Variants in E4F1 observed in about 807,000 individuals in gnomAD.
The protein encoded by E4F1 is transcription factor E4F1.
A neutral mutation model predicts 72.9 loss-of-function variants in E4F1; 30 were observed. The observed-to-expected ratio is 0.41, with a 90% CI of 0.31 to 0.56. The LOEUF (loss-of-function observed/expected upper bound fraction) is 0.56, where lower values mean the gene tolerates loss of function less well. Ranked by LOEUF, E4F1 falls within the 20% of genes least tolerant of loss-of-function variation. The pLI, the probability that E4F1 is intolerant of heterozygous loss-of-function variation, is 0.25. For synonymous variants in E4F1, 542 were observed against 478.2 expected, an observed-to-expected ratio of 1.13 and a Z score of -1.74; for missense variants, 1,091 against 1,117.5, an observed-to-expected ratio of 0.98 and a Z score of 0.34.
chr16:2,232,871 C>T lies in E4F1; in HGVS notation c.846C>T (p.Ser282=). ...PCTEKIRFSV[S]KDVVVSKEDA... is the part of the protein sequence containing the mutation. ...CAGAGAAAATCCGCTTCAGTGTGAG[C>T]AAGGACGTGGTTGTCAGCAAAGAGG... The change falls in exon 6 of 14, where the codon AGC becomes AGT. Residue 282 remains serine, a synonymous_variant. Coordinates refer to ENST00000301727, the MANE Select transcript of E4F1 (RefSeq NM_004424.5). 3.7e-6 allele frequency: 6 copies of T among 1,613,436 alleles called. No individual in the cohort carries two copies. Among genetic ancestry groups the T allele is most frequent in the Admixed American group, 1.7e-5 (1 of 60,020 alleles).
At chr16:2,228,306 C>T in intron 1 of E4F1, 66 bp from the exon 2 acceptor site, 1 of 1,598,386 alleles carries the variant, frequency 6.3e-7, no homozygotes. Flanking sequence ...GGAGGAAAAG[C>T]CAGACGGAGC....
At chr16:2,227,131 C>T (rs1372388941) in intron 1 of E4F1, among the ~76,000 whole-genome samples, 1 of 152,032 alleles carries the variant, frequency 6.6e-6, no homozygotes, top group Non-Finnish European at 1.5e-5. Flanking sequence ...GCCTCCACCC[C>T]TGGGCTCAAT....
In E4F1 at chr16:2,234,649, C is replaced by T. The variant is rs375170561; in HGVS notation, c.1660C>T (p.Arg554Cys). 17 of 1,598,420 alleles carry T rather than the reference C, an allele frequency of 1.1e-5. 1 individual carries two copies. Among genetic ancestry groups the T allele is most frequent in the Middle Eastern group, 1.8e-4 (1 of 5,680 alleles). The change falls in exon 11 of 14, where the codon CGT (arginine) becomes TGT (cysteine). Residue 554 changes from arginine to cysteine, a missense_variant. By Grantham distance (180) the Arg-to-Cys change is radical. Transcript: ENST00000301727. ...GCCGCACGTGTGCCAGTTCTGCAGC[C>T]GTGGCTTCCGAGAGAAGGGCTCACT... The part of the protein sequence containing the change: ...EKPHVCQFCS[R>C]GFREKGSLVR...
intron 3 of E4F1, 86 bp downstream of exon 3, chr16:2,229,761 C>T (rs1323343896): frequency 6.9e-7 from 1 of 1,440,794 alleles, no homozygotes; most frequent in Admixed American, 1.8e-5. Flanking sequence ...GTATGCTCGT[C>T]TCTCCCGAGA....
chr16:2,231,861 C>G, intron 3 of E4F1: 1 of 359,888 alleles, frequency 2.8e-6, no homozygotes. Flanking sequence ...CACCAGGATT[C>G]GCACGTCCTC....
Position 2,233,865 on chromosome 16 carries a change from TTCCTGTGGTTCCCCAGCAGG to T in E4F1, c.1267-15_1271del. ...CAGCCTGCCCCGGGTGCTGGAGACC[TTCCTGTGGTTCCCCAGCAGG>T]TGGCCAGCGAGGCCTCAGCGGTGCC... On this transcript the variant is annotated splice_acceptor_variant and splice_polypyrimidine_tract_variant and coding_sequence_variant and intron_variant, in exon 9 of 14. Transcript: ENST00000301727. LOFTEE classifies it high-confidence loss of function. The T allele has an allele frequency of 1.9e-6, 3 of 1,568,504 alleles. No homozygotes were observed. Among genetic ancestry groups the T allele is most frequent in the Non-Finnish European group, 2.6e-6 (3 of 1,156,362 alleles).
At chr16:2,228,662 T>C in intron 2 of E4F1, 139 bp downstream of exon 2, 1 of 1,145,158 alleles carries the variant, frequency 8.7e-7, no homozygotes, top group Non-Finnish European at 1.2e-6. Context: ...GGCTGCGGTG[T>C]GGGAGGGTCC....
In E4F1 at chr16:2,234,909, G is replaced by T. The variant is rs968471159; in HGVS notation, c.1843G>T (p.Ala615Ser). ...EELLVSEDSP[A>S]AATTVLTEDP... is the part of the protein sequence containing the mutation. ...GTTGCTGGTGTCTGAGGACAGCCCC[G>T]CGGCAGCCACCACCGTCCTCACGGA... Residue 615 changes from alanine (A) to serine (S), a missense_variant, in exon 12 of 14, where the codon GCG becomes TCG. This residue lies in a region of E4F1 where 622 missense variants were observed against 628.0 expected (regional missense o/e 0.99). Transcript: ENST00000301727. 1.3e-6 allele frequency: 2 copies of T among 1,553,144 alleles called. No homozygotes were observed. Among genetic ancestry groups the T allele is most frequent in the South Asian group, 2.4e-5 (2 of 84,532 alleles).
intron 1 of E4F1, among the ~76,000 whole-genome samples, chr16:2,224,660 G>A (rs562722356): frequency 2.0e-5 from 3 of 152,072 alleles, no homozygotes; most frequent in Non-Finnish European, 4.4e-5. Context: ...CGGGCGTGGT[G>A]GCGGGCGCCT....
chr16:2,234,424 C>T, intron 10 of E4F1, 36 bp downstream of exon 10: 2 of 1,608,404 alleles, frequency 1.2e-6, no homozygotes, highest in Middle Eastern at 1.7e-4. Context: ...GCGCCTGATC[C>T]CCCCATCCTG....
At chr16:2,232,722 G>A in intron 5 of E4F1, 34 bp from the exon 6 acceptor site, 1 of 1,611,276 alleles carries the variant, frequency 6.2e-7, no homozygotes. Context: ...CAGCCTGCTG[G>A]GGCTGCCCGG....
At position 2,233,465 on chromosome 16, in the gene E4F1, T is replaced by C; in HGVS notation, c.1084T>C (p.Ser362Pro). Residue 362 changes from serine (S) to proline (P), a missense_variant, in exon 8 of 14, where the codon TCC becomes CCC. This residue lies in a region of E4F1 where 622 missense variants were observed against 628.0 expected (regional missense o/e 0.99). Transcript: ENST00000301727. Reference protein sequence around the residue: ...EPPVSQELPCSSEGSRENLLH... With the variant: ...EPPVSQELPCPSEGSRENLLH... Reference sequence around the variant, plus strand: ...CCCCGTCTCCCAGGAGCTCCCCTGCTCCAGCGAGGGCAGCCGTGAGAACCT... The same window carrying C: ...CCCCGTCTCCCAGGAGCTCCCCTGCCCCAGCGAGGGCAGCCGTGAGAACCT... The C allele has an allele frequency of 6.6e-7, 1 of 1,506,228 alleles. No homozygotes were observed. Among genetic ancestry groups the C allele is most frequent in the Non-Finnish European group, 8.8e-7 (1 of 1,132,014 alleles). The allele number at this position is 1,506,228 out of a possible 1,614,324, so 93.3% of individuals were successfully genotyped here.
rs374688881 is a variant in E4F1, at chr16:2,235,104, C to T, written c.1959C>T (p.Thr653=). Residue 653 remains threonine (T), a synonymous_variant, in exon 13 of 14, where the codon ACC becomes ACT. Coordinates refer to ENST00000301727, the MANE Select transcript of E4F1 (RefSeq NM_004424.5). ...IIEATADDAE[T]SEATEIIEGT... is the part of the protein sequence containing the mutation. ...AGGCCACTGCGGACGATGCGGAGAC[C>T]AGTGAGGCCACGGAGATCATCGAGG... 1 of 1,612,250 alleles carries T rather than the reference C, an allele frequency of 6.2e-7. No individual in the cohort carries two copies. The highest frequency in any genetic ancestry group is 1.3e-5 in the African/African-American group (1 of 74,876).
chr16:2,228,639 A>C, intron 2 of E4F1, 116 bp downstream of exon 2: 2 of 1,330,358 alleles, frequency 1.5e-6, no homozygotes, highest in East Asian at 5.1e-5. Flanking sequence ...GGGCGGGCAG[A>C]GGGCAGGCAC....
chr16:2,224,522 G>A (rs2093419740), intron 1 of E4F1, among the ~76,000 whole-genome samples: 1 of 152,234 alleles, frequency 6.6e-6, no homozygotes, highest in South Asian at 2.1e-4. Context: ...GGGTGCGGTG[G>A]CTCACGCCTG....
Position 2,234,471 on chromosome 16 carries a change from C to T in E4F1, c.1593+83C>T, listed in dbSNP as rs2093490319. ...TGGCCCAGGTGCACCCCCTTCCCTG[C>T]CTCCACCATGCTCAGTCTTGACCCA... On this transcript the variant is annotated intron_variant, in intron 10 of 13. Coordinates refer to ENST00000301727, the MANE Select transcript of E4F1 (RefSeq NM_004424.5). 13 of 1,574,226 alleles carry T rather than the reference C, an allele frequency of 8.3e-6. No homozygotes were observed. In the South Asian group the frequency reaches 1.4e-4, roughly 16 times the overall value.
At chr16:2,229,716 G>A (rs780555103) in intron 3 of E4F1, 41 bp downstream of exon 3, 16 of 1,604,034 alleles carry the variant, frequency 1.0e-5, no homozygotes, top group Non-Finnish European at 1.4e-5. Context: ...ATAGACCTTC[G>A]TGGTTGGGGC....
intron 1 of E4F1, among the ~76,000 whole-genome samples, chr16:2,225,621 CG>C (rs1008393482): frequency 6.6e-6 from 1 of 151,376 alleles, no homozygotes; most frequent in Non-Finnish European, 1.5e-5. Context: ...TTACGGCACG[CG>C]GCATCACACC....
intron 1 of E4F1, among the ~76,000 whole-genome samples, chr16:2,226,454 G>A (rs2093433363): frequency 6.6e-6 from 1 of 152,196 alleles, no homozygotes; most frequent in African/African-American, 2.4e-5. Flanking sequence ...CATCAGGAGA[G>A]GACGACTCTG....
Sources: allele counts gnomAD v4.1 joint callset (sites outside exome capture counted in the v4.1 genomes callset), GRCh38; gene constraint gnomAD v4.1.1; regional missense constraint gnomAD v4.1.1; transcripts MANE v1.5; gene names NCBI Gene and HGNC (gene_info 2026-07-23, HGNC 2026-07-21).